ZCWPW1: variants seen among roughly 807,000 people sequenced by gnomAD.
ZCWPW1 encodes zinc finger CW-type and PWWP domain containing 1, also known as zinc finger CW-type PWWP domain protein 1.
Under a neutral mutation model 81.3 loss-of-function variants are expected in ZCWPW1, and 56 were observed. The observed-to-expected ratio is 0.69, with a 90% CI of 0.56 to 0.86. The LOEUF (loss-of-function observed/expected upper bound fraction) is 0.86. Ranked by LOEUF, ZCWPW1 falls within the 40% of genes least tolerant of loss-of-function variation. ZCWPW1 has a pLI of 0.00. For synonymous variants in ZCWPW1, 250 were observed against 273.7 expected (o/e 0.91, Z 0.86); for missense variants, 650 against 769.8 (o/e 0.84, Z 1.84).
rs752670572 is a variant in ZCWPW1 at position 100,407,214 on chromosome 7, A to G, written c.1068+14T>C. On this transcript the variant is annotated intron_variant, in intron 11 of 17. Transcript: ENST00000684423. ...TGGCCTGAGCTCCTTCTTACCCTGA[A>G]CCAGGAAACTCACCGGCAGGGAATC... The G allele has an allele frequency of 6.2e-7, 1 of 1,613,486 alleles. No homozygotes were observed. Among genetic ancestry groups the G allele is most frequent in the Non-Finnish European group, 8.5e-7 (1 of 1,179,492 alleles).
chr7:100,403,377 G>A (rs376920175), intron 15 of ZCWPW1, among the ~76,000 whole-genome samples: 62 of 152,052 alleles, frequency 4.1e-4, no homozygotes, highest in African/African-American at 1.4e-3. Context: ...CACCATGCCC[G>A]GATAATTTTT....
chr7:100,419,862 C>T lies in ZCWPW1; in HGVS notation c.50G>A (p.Arg17Lys), dbSNP rs751275781. 6.3e-7 allele frequency: 1 copy of T among 1,580,060 alleles called. No homozygotes were observed. The highest frequency in any genetic ancestry group is 2.0e-5 in the Admixed American group (1 of 50,922). The change falls in exon 4 of 18, where the codon AGA becomes AAA. Residue 17 changes from arginine to lysine, a missense_variant. Arg to Lys is a conservative substitution (Grantham distance 26, BLOSUM62 2). Coordinates refer to ENST00000684423, the MANE Select transcript of ZCWPW1 (RefSeq NM_001386010.1). ...TTTTTGTGCAGGTGGGGCAAAGATT[C>T]TCTTTGGTCCCTTTCCACATTCTGA... ...NKEECGKGPK[R>K]IFAPPAQKSY...
Position 100,406,797 on chromosome 7 carries a change from G to T in ZCWPW1, c.1070C>A (p.Ser357Tyr). The change falls in exon 12 of 18, where the codon TCT becomes TAT. Residue 357 changes from serine to tyrosine, a missense_variant and splice_region_variant. Physicochemically the swap from Ser to Tyr is moderately radical, Grantham distance 144. Transcript: ENST00000684423. ...TCCAAAAAACGTCACATGGTACTTA[G>T]ACTGAAATAAAAGATGATCCTGTTA... ...LFTSHLDSLPSKYHVTFFGET... is the reference protein window; with the variant it reads ...LFTSHLDSLPYKYHVTFFGET... 1 of 1,613,738 alleles carries T rather than the reference G, an allele frequency of 6.2e-7. No individual in the cohort carries two copies. Among genetic ancestry groups the T allele is most frequent in the South Asian group, 1.1e-5 (1 of 91,048 alleles).
intron 16 of ZCWPW1, 31 bp downstream of exon 16, chr7:100,402,485 G>T (rs1462530392): frequency 6.2e-7 from 1 of 1,612,130 alleles, no homozygotes; most frequent in Non-Finnish European, 8.5e-7. Flanking sequence ...TTAACTGTGG[G>T]TTGTGCTCCA....
chr7:100,403,561 T>C (rs996661478), intron 15 of ZCWPW1, 133 bp downstream of exon 15: 22 of 570,208 alleles, frequency 3.9e-5, no homozygotes, highest in South Asian at 7.8e-5. Context: ...TGGTGGCTCA[T>C]GCCTGTAATC....
At chr7:100,415,481 C>A (rs1795045116) in intron 8 of ZCWPW1, among the ~76,000 whole-genome samples, 1 of 152,180 alleles carries the variant, frequency 6.6e-6, no homozygotes, top group African/African-American at 2.4e-5. Context: ...GCCATTCACG[C>A]TTATCAACTC....
intron 8 of ZCWPW1, 128 bp downstream of exon 8, chr7:100,415,847 T>G: frequency 7.9e-7 from 1 of 1,263,890 alleles, no homozygotes; most frequent in Non-Finnish European, 1.1e-6. Context: ...GGCAGCATAT[T>G]CTGCAACAAG....
chr7:100,422,851 C>A (rs1195978084), intron 2 of ZCWPW1, among the ~76,000 whole-genome samples: 3 of 152,138 alleles, frequency 2.0e-5, no homozygotes, highest in East Asian at 3.8e-4. Flanking sequence ...TCTGTTCCTG[C>A]GTTAATTCAC....
intron 12 of ZCWPW1, 39 bp downstream of exon 12, chr7:100,406,655 T>G: frequency 7.0e-6 from 11 of 1,569,106 alleles, no homozygotes; most frequent in Non-Finnish European, 9.6e-6. Context: ...GAAGATTTTG[T>G]TTTCTCTGTA....
chr7:100,413,998 A>T (rs1242710048), intron 8 of ZCWPW1, among the ~76,000 whole-genome samples: 2 of 152,352 alleles, frequency 1.3e-5, no homozygotes, highest in South Asian at 4.1e-4. Flanking sequence ...AAAGTTCTCA[A>T]CAAGCACATC....
intron 8 of ZCWPW1, among the ~76,000 whole-genome samples, chr7:100,413,628 G>A (rs959939883): frequency 2.6e-5 from 4 of 152,184 alleles, no homozygotes; most frequent in African/African-American, 9.7e-5. Flanking sequence ...TTTATAGCAG[G>A]AGGCTAATAA....
intron 8 of ZCWPW1, among the ~76,000 whole-genome samples, chr7:100,412,580 T>A (rs753221558): frequency 5.1e-4 from 77 of 152,286 alleles, no homozygotes; most frequent in Non-Finnish European, 9.3e-4. Context: ...CATTTTATTT[T>A]TTTTTTATTT....
rs1228914040 is a variant in ZCWPW1 at position 100,428,683 on chromosome 7, A to G, written c.-252T>C. On this transcript the variant is annotated 5_prime_UTR_variant, in exon 1 of 18. Transcript: ENST00000684423. ...GCATCTCCCCGGGAAAACGGCGTAG[A>G]CTCGCTTCTTCCTCATTGGCAGAAG... The G allele has an allele frequency of 6.6e-6, 1 of 152,156 alleles. No homozygotes were observed. Among genetic ancestry groups the G allele is most frequent in the Non-Finnish European group, 1.5e-5 (1 of 68,074 alleles). 9.4% of individuals were successfully genotyped at this position (152,156 alleles called of 1,614,324 possible). A position where few individuals can be genotyped will look rare whatever the true frequency, so the allele number is the denominator to read the frequency against.
At chr7:100,410,646 TTTC>T (rs1196968871) in intron 8 of ZCWPW1, among the ~76,000 whole-genome samples, 2 of 152,160 alleles carry the variant, frequency 1.3e-5, no homozygotes, top group African/African-American at 4.8e-5. Flanking sequence ...CCTTGACTTT[TTTC>T]TTCATGTCAC....
At chr7:100,404,536 T>A (rs1050794536) in intron 13 of ZCWPW1, among the ~76,000 whole-genome samples, 2 of 151,988 alleles carry the variant, frequency 1.3e-5, no homozygotes, top group African/African-American at 4.8e-5. Flanking sequence ...AATTTTGTAT[T>A]TTTTGCAGAG....
intron 1 of ZCWPW1, among the ~76,000 whole-genome samples, chr7:100,425,763 A>T (rs1797209179): frequency 6.6e-6 from 1 of 152,222 alleles, no homozygotes; most frequent in Non-Finnish European, 1.5e-5. Flanking sequence ...TCTTCATGCT[A>T]AATTTTCTTT....
intron 5 of ZCWPW1, 107 bp downstream of exon 5, chr7:100,419,004 T>A: frequency 1.1e-6 from 1 of 870,016 alleles, no homozygotes; most frequent in South Asian, 1.5e-5. Context: ...AATATTACCT[T>A]ATTTAGAAGA....
intron 16 of ZCWPW1, 27 bp downstream of exon 16, chr7:100,402,489 T>C (rs1253226926): frequency 6.2e-7 from 1 of 1,613,524 alleles, no homozygotes; most frequent in African/African-American, 1.3e-5. Flanking sequence ...CTGTGGGTTG[T>C]GCTCCATTTC....
intron 15 of ZCWPW1, 109 bp from the exon 16 acceptor site, chr7:100,402,685 G>GGA (rs1792173025): frequency 9.3e-7 from 1 of 1,076,986 alleles, no homozygotes; most frequent in Non-Finnish European, 1.4e-6. Flanking sequence ...AATCAAAGTA[G>GGA]CTTCTGTGAG....
Sources: gnomAD v4.1 joint callset for allele counts (sites outside exome capture counted in the v4.1 genomes callset) on GRCh38, gnomAD v4.1.1 for gene constraint, MANE v1.5 for transcripts, NCBI Gene and HGNC (gene_info 2026-07-23, HGNC 2026-07-21) for gene names.